The following TXNRD1 variants were observed in gnomAD, a reference collection of about 807,000 sequenced individuals.
The protein encoded by TXNRD1 is thioredoxin reductase 1, also known as thioredoxin reductase 1, cytoplasmic.
Under a neutral mutation model 80.3 loss-of-function variants are expected in TXNRD1, and 57 were observed. The observed-to-expected ratio is 0.71, with a 90% CI of 0.57 to 0.89. The LOEUF (loss-of-function observed/expected upper bound fraction) is 0.89, where lower values mean the gene tolerates loss of function less well. Among genes scored for constraint, TXNRD1 ranks in the 40% least tolerant of loss-of-function variants. The pLI is 0.00. For synonymous variants in TXNRD1, 291 were observed against 285.2 expected, an observed-to-expected ratio of 1.02 and a Z score of -0.20; for missense variants, 730 against 803.0, an observed-to-expected ratio of 0.91 and a Z score of 1.10.
intron 4 of TXNRD1, among the ~76,000 whole-genome samples, chr12:104,302,645 G>A (rs1471016389): frequency 1.3e-5 from 2 of 152,002 alleles, no homozygotes; most frequent in Middle Eastern, 3.4e-3. Context: ...GCCTGCCACC[G>A]CGCCCGGCTA....
At chr12:104,227,967 T>C (rs1057480815) in intron 1 of TXNRD1, among the ~76,000 whole-genome samples, 1 of 152,140 alleles carries the variant, frequency 6.6e-6, no homozygotes, top group African/African-American at 2.4e-5. Flanking sequence ...TTTTTAGTGA[T>C]TATAGAGTTG....
intron 1 of TXNRD1, among the ~76,000 whole-genome samples, chr12:104,226,071 G>T (rs766763153): frequency 8.6e-5 from 13 of 151,976 alleles, no homozygotes; most frequent in Non-Finnish European, 1.8e-4. Flanking sequence ...CGTGTGGTGG[G>T]CACCTGTAAT....
intron 4 of TXNRD1, chr12:104,304,555 G>C: frequency 6.2e-7 from 1 of 1,614,042 alleles, no homozygotes; most frequent in South Asian, 1.1e-5. Flanking sequence ...AGTTGCAGAA[G>C]TTGGACCTGA....
intron 10 of TXNRD1, among the ~76,000 whole-genome samples, chr12:104,324,272 G>T (rs1290505692): frequency 6.6e-6 from 1 of 151,688 alleles, no homozygotes. Context: ...ATATAAGAAG[G>T]AAAGGGAATT....
intron 3 of TXNRD1, among the ~76,000 whole-genome samples, chr12:104,283,793 C>T: frequency 6.6e-6 from 1 of 152,084 alleles, no homozygotes; most frequent in Non-Finnish European, 1.5e-5. Context: ...TCACTGGAAC[C>T]TGAGAGGCGG....
intron 6 of TXNRD1, among the ~76,000 whole-genome samples, chr12:104,314,785 G>A (rs1220031698): frequency 4.3e-5 from 6 of 138,590 alleles, no homozygotes; most frequent in East Asian, 2.1e-4. Flanking sequence ...TCTGTCGCCC[G>A]GGCTGGAGTG....
chr12:104,281,729 C>T (rs1223947114), intron 3 of TXNRD1, among the ~76,000 whole-genome samples: 1 of 151,808 alleles, frequency 6.6e-6, no homozygotes, highest in Non-Finnish European at 1.5e-5. Flanking sequence ...TAAGTCCCTG[C>T]CCTCCTTAGC....
chr12:104,275,115 A>G (rs2033729346), intron 3 of TXNRD1, among the ~76,000 whole-genome samples: 1 of 151,904 alleles, frequency 6.6e-6, no homozygotes, highest in African/African-American at 2.4e-5. Flanking sequence ...GTTGTTTAAG[A>G]AAATTATGTT....
At chr12:104,249,892 T>G (rs541674014) in intron 1 of TXNRD1, among the ~76,000 whole-genome samples, 3 of 134,446 alleles carry the variant, frequency 2.2e-5, no homozygotes, top group Non-Finnish European at 4.5e-5. Context: ...GCCGAGATCG[T>G]GCCACTGTAC....
chr12:104,270,222 G>A (rs2033625173), intron 3 of TXNRD1, among the ~76,000 whole-genome samples: 1 of 152,174 alleles, frequency 6.6e-6, no homozygotes, highest in South Asian at 2.1e-4. Flanking sequence ...AAGGTTTTCA[G>A]CTTACTTTGC....
chr12:104,282,623 G>A (rs559965420), intron 3 of TXNRD1, among the ~76,000 whole-genome samples: 2 of 151,906 alleles, frequency 1.3e-5, no homozygotes, highest in African/African-American at 4.8e-5. Flanking sequence ...AAAGCTTTGT[G>A]TGTGTGTGTG....
Position 104,321,253 on chromosome 12 carries a change from C to T in TXNRD1, c.1152C>T (p.Asn384=), listed in dbSNP as rs373534042. The T allele has an allele frequency of 8.1e-6, 13 of 1,613,848 alleles. No homozygotes were observed. Among genetic ancestry groups the T allele is most frequent in the East Asian group, 2.2e-5 (1 of 44,870 alleles). The change falls in exon 10 of 17, where the codon AAC becomes AAT. Residue 384 remains asparagine, a synonymous_variant. Transcript: ENST00000525566. ...GAGGATTTGACCAGGACATGGCCAACAAAATTGGTGAACACATGGAAGAAC... is the reference window on the plus strand; with the variant it reads ...GAGGATTTGACCAGGACATGGCCAATAAAATTGGTGAACACATGGAAGAAC... The part of the protein sequence containing the change: ...LLRGFDQDMA[N]KIGEHMEEHG...
rs1172690616 is a variant in TXNRD1 at position 104,315,861 on chromosome 12, ACT to A, written c.699_700del (p.Arg234LysfsTer11). On this transcript the variant is annotated frameshift_variant, in exon 7 of 17. Coordinates refer to ENST00000525566, the MANE Select transcript of TXNRD1 (RefSeq NM_001093771.3). LOFTEE classifies it high-confidence loss of function. The stretch of plus-strand genomic sequence containing the variant: ...GCTTTGTTAGGACAAGCCCTGCAAG[ACT>A]CTCGAAATTATGGATGGAAAGTCGA... 1.2e-6 allele frequency: 2 copies of A among 1,611,988 alleles called. No individual in the cohort carries two copies. The highest frequency in any genetic ancestry group is 2.2e-5 in the East Asian group (1 of 44,780).
chr12:104,333,355 A>G (rs936326391), intron 14 of TXNRD1, among the ~76,000 whole-genome samples: 5 of 152,154 alleles, frequency 3.3e-5, no homozygotes, highest in Non-Finnish European at 7.3e-5. Flanking sequence ...TAGAAGTATA[A>G]CGTGTTTGAG....
At chr12:104,303,745 G>A in intron 4 of TXNRD1, 1 of 955,176 alleles carries the variant, frequency 1.0e-6, no homozygotes, top group Admixed American at 3.6e-5. Flanking sequence ...GCGCATGGGC[G>A]GGCGTCCTCG....
At position 104,252,687 on chromosome 12, in the gene TXNRD1, TATA is replaced by T. The variant is rs1565863364; in HGVS notation, c.243+1010_243+1012del. On this transcript the variant is annotated intron_variant, in intron 2 of 16. Transcript: ENST00000525566. Reference sequence around the variant, plus strand: ...TTATATATATATATATATATATATATATATTTTTTTTTTTTTTTTTTTTTTTTT... The same window carrying T: ...TTATATATATATATATATATATATATTTTTTTTTTTTTTTTTTTTTTTTTT... Among the ~76,000 whole-genome samples the T allele has an allele frequency of 1.2e-3, 105 of 87,026 alleles. 1 individual carries two copies. The highest frequency in any genetic ancestry group is 2.2e-3 in the East Asian group (7 of 3,150). The allele number at this position is 87,026 out of a possible 152,430, so 57.1% of individuals were successfully genotyped here.
intron 2 of TXNRD1, among the ~76,000 whole-genome samples, chr12:104,254,746 G>GGATACTATGATTAAA (rs1344285815): frequency 1.3e-4 from 12 of 93,442 alleles, no homozygotes; most frequent in African/African-American, 3.1e-4. Flanking sequence ...AGGAGTTAAA[G>GGATACTATGATTAAA]GTTACAGTGA....
chr12:104,252,530 T>A (rs550376903), intron 2 of TXNRD1, among the ~76,000 whole-genome samples: 3 of 150,836 alleles, frequency 2.0e-5, no homozygotes, highest in Non-Finnish European at 4.4e-5. Context: ...ACCTGATCTG[T>A]CTGGTGCTTC....
chr12:104,306,129 C>A (rs1212492461), intron 4 of TXNRD1, among the ~76,000 whole-genome samples: 2 of 152,112 alleles, frequency 1.3e-5, no homozygotes, highest in African/African-American at 4.8e-5. Context: ...GTCTCGAACA[C>A]CTGGCCCCAA....
Sources: gnomAD v4.1 joint callset for allele counts (sites outside exome capture counted in the v4.1 genomes callset) on GRCh38, gnomAD v4.1.1 for gene constraint, MANE v1.5 for transcripts, NCBI Gene and HGNC (gene_info 2026-07-23, HGNC 2026-07-21) for gene names.